The following WDR27 variants were observed in gnomAD, a reference collection of about 807,000 sequenced individuals.
The protein encoded by WDR27 is WD repeat domain 27.
Under a neutral mutation model 114.4 loss-of-function variants are expected in WDR27, and 100 were observed. The ratio of observed to expected loss-of-function variants is 0.87; its 90% CI spans 0.74 to 1.03. The LOEUF is 1.03. Ranked by LOEUF, WDR27 falls within the 50% of genes least tolerant of loss-of-function variation. WDR27 has a pLI of 0.00. For synonymous variants in WDR27, 449 were observed against 423.1 expected (o/e 1.06, Z -0.75); for missense variants, 1,129 against 1,092.9 (o/e 1.03, Z -0.47).
rs575564937 is a variant in WDR27 at position 169,569,421 on chromosome 6, T to C, written c.2645+2998A>G. ...TCAGGCAATGAGTTAAAGTTACAAC[T>C]TTGTTAAAGTATTTTAAAATTGTTA... On this transcript the variant is annotated intron_variant, in intron 25 of 25. Transcript: ENST00000448612. Among the ~76,000 whole-genome samples the C allele has an allele frequency of 2.6e-5, 4 of 152,356 alleles. No individual in the cohort carries two copies. In the South Asian group the frequency reaches 8.3e-4, roughly 32 times the overall value.
chr6:169,552,341 C>G (rs558056007), intron 25 of WDR27, among the ~76,000 whole-genome samples: 1 of 152,274 alleles, frequency 6.6e-6, no homozygotes, highest in East Asian at 1.9e-4. Context: ...CCCCACTGCA[C>G]AAACACAAAC....
chr6:169,428,775 C>T, the WDR27 span, among the ~76,000 whole-genome samples: 2 of 152,190 alleles, frequency 1.3e-5, no homozygotes, highest in Admixed American at 6.5e-5. Flanking sequence ...AGGGTGAGCC[C>T]TTGCCTTCAC....
In WDR27 at chr6:169,571,778, T is replaced by C. The variant is rs543441361; in HGVS notation, c.2645+641A>G. Among the ~76,000 whole-genome samples, 27 of 152,182 alleles carry C rather than the reference T, an allele frequency of 1.8e-4. 1 individual carries two copies. The South Asian group carries it at 4.6e-3, about 26-fold the overall frequency. ...ACTGGAGCCAGGGGGTTTGAGGCTG[T>C]AGTCAGCCGTGATCACACCACTGGA... is the stretch of plus-strand genomic sequence containing the variant. On this transcript the variant is annotated intron_variant, in intron 25 of 25. Transcript: ENST00000448612.
the WDR27 span, among the ~76,000 whole-genome samples, chr6:169,451,339 T>A: frequency 6.6e-6 from 1 of 152,218 alleles, no homozygotes; most frequent in African/African-American, 2.4e-5. Flanking sequence ...ATCATACATA[T>A]AATGATTGAT....
At chr6:169,536,422 C>T (rs894423881) in intron 25 of WDR27, among the ~76,000 whole-genome samples, 3 of 152,152 alleles carry the variant, frequency 2.0e-5, no homozygotes, top group African/African-American at 7.2e-5. Context: ...TTTTTATGAA[C>T]CTCAATTCTA....
At chr6:169,450,325 C>T in the WDR27 span, among the ~76,000 whole-genome samples, 1 of 152,196 alleles carries the variant, frequency 6.6e-6, no homozygotes, top group Non-Finnish European at 1.5e-5. Context: ...ATGCCAGCTC[C>T]GGGTTTCATT....
At chr6:169,603,554 G>C (rs1003335387) in intron 22 of WDR27, among the ~76,000 whole-genome samples, 3 of 152,208 alleles carry the variant, frequency 2.0e-5, no homozygotes, top group African/African-American at 7.2e-5. Flanking sequence ...TAACAAAGTA[G>C]AGATGCATAT....
chr6:169,611,584 C>G (rs2128183768), intron 22 of WDR27, among the ~76,000 whole-genome samples: 1 of 152,260 alleles, frequency 6.6e-6, no homozygotes, highest in South Asian at 2.1e-4. Flanking sequence ...TATCACTTAG[C>G]TTAAAACACA....
chr6:169,595,471 C>A (rs1456982248), intron 23 of WDR27, among the ~76,000 whole-genome samples: 1 of 152,138 alleles, frequency 6.6e-6, no homozygotes, highest in Non-Finnish European at 1.5e-5. Flanking sequence ...TCCTCTACAT[C>A]CAATTTTAAT....
At chr6:169,635,422 G>A (rs1295024993) in intron 19 of WDR27, among the ~76,000 whole-genome samples, 1 of 152,178 alleles carries the variant, frequency 6.6e-6, no homozygotes, top group Non-Finnish European at 1.5e-5. Context: ...AGGCACCTCT[G>A]AAGACAAGGC....
intron 13 of WDR27, 81 bp downstream of exon 13, chr6:169,658,195 C>T (rs904661807): frequency 4.5e-6 from 5 of 1,107,260 alleles, no homozygotes; most frequent in Middle Eastern, 2.0e-4. Context: ...CATAAGAATT[C>T]GCAAAGCAAT....
chr6:169,511,602 G>T (rs1792885849), intron 25 of WDR27, among the ~76,000 whole-genome samples: 1 of 151,944 alleles, frequency 6.6e-6, no homozygotes, highest in African/African-American at 2.4e-5. Context: ...GCATAAACTT[G>T]TGTTCTTTCT....
chr6:169,593,731 C>A (rs1334805352), intron 23 of WDR27, among the ~76,000 whole-genome samples: 2 of 152,126 alleles, frequency 1.3e-5, no homozygotes, highest in Admixed American at 1.3e-4. Context: ...CGCCTGTAAT[C>A]CCAGCTACTC....
At chr6:169,444,596 G>A in the WDR27 span, among the ~76,000 whole-genome samples, 25 of 152,082 alleles carry the variant, frequency 1.6e-4, no homozygotes, top group African/African-American at 5.5e-4. Context: ...AGAGACCCAA[G>A]CCAGTGATTG....
chr6:169,458,006 A>AGGT lies in WDR27; in HGVS notation c.2646-375_2646-373dup, dbSNP rs1215265077. Reference sequence around the variant, plus strand: ...GAGGAGGAGGAGGAGGAGGAGGAGGAGGTGGTGGTGGTGCCAGGAATCCAC... The same window carrying AGGT: ...GAGGAGGAGGAGGAGGAGGAGGAGGAGGTGGTGGTGGTGGTGCCAGGAATCCAC... On this transcript the variant is annotated intron_variant, in intron 25 of 25. Transcript: ENST00000448612. Among the ~76,000 whole-genome samples, 233 of 139,914 alleles carry AGGT rather than the reference A, an allele frequency of 1.7e-3. 3 individuals carry two copies. The highest frequency in any genetic ancestry group is 5.4e-3 in the African/African-American group (208 of 38,752). The allele number at this position is 139,914 out of a possible 152,430, so 91.8% of individuals were successfully genotyped here. A position where few individuals can be genotyped will look rare whatever the true frequency, so the allele number is the denominator to read the frequency against.
chr6:169,691,817 G>A (rs1488827541), intron 1 of WDR27, among the ~76,000 whole-genome samples: 1 of 152,176 alleles, frequency 6.6e-6, no homozygotes, highest in African/African-American at 2.4e-5. Flanking sequence ...CATTATTACA[G>A]TGACCCTTTA....
At chr6:169,649,678 G>A (rs1398404083) in intron 14 of WDR27, among the ~76,000 whole-genome samples, 1 of 151,894 alleles carries the variant, frequency 6.6e-6, no homozygotes, top group African/African-American at 2.4e-5. Flanking sequence ...ATACAAAGCT[G>A]CAGATGCCAT....
rs990337523 is a variant in WDR27, at chr6:169,648,251, T to G, written c.1560-381A>C. On this transcript the variant is annotated intron_variant, in intron 15 of 25. Transcript: ENST00000448612. ...GGCGTTGTAATGCTAATCACTCAAATCATCTACAGATGCCTTCCGTGCACA... is the reference window on the plus strand; with the variant it reads ...GGCGTTGTAATGCTAATCACTCAAAGCATCTACAGATGCCTTCCGTGCACA... 3.9e-5 allele frequency among the ~76,000 whole-genome samples: 6 copies of G among 152,138 alleles called. No homozygotes were observed. In the East Asian group the frequency reaches 1.2e-3, roughly 29 times the overall value.
intron 24 of WDR27, among the ~76,000 whole-genome samples, chr6:169,580,291 C>G (rs1327772837): frequency 6.6e-6 from 1 of 152,246 alleles, no homozygotes; most frequent in Non-Finnish European, 1.5e-5. Context: ...GTGCTTCACA[C>G]AAGAACTTCA....
Sources: gnomAD v4.1 joint callset for allele counts (sites outside exome capture counted in the v4.1 genomes callset) on GRCh38, gnomAD v4.1.1 for gene constraint, MANE v1.5 for transcripts, NCBI Gene and HGNC (gene_info 2026-07-23, HGNC 2026-07-21) for gene names.